The following HS3ST5 variants were observed in gnomAD, a reference collection of about 807,000 sequenced individuals.
The protein encoded by HS3ST5 is heparan sulfate glucosamine 3-O-sulfotransferase 5.
In HS3ST5, 10 loss-of-function variants were observed where a neutral mutation model predicts 25.4. The observed-to-expected ratio is 0.39, with a 90% CI of 0.24 to 0.67. HS3ST5 has a LOEUF of 0.67. Among genes scored for constraint, HS3ST5 ranks in the 30% least tolerant of loss-of-function variants. HS3ST5 has a pLI of 0.44. For synonymous variants in HS3ST5, 170 were observed against 162.4 expected (o/e 1.05, Z -0.36); for missense variants, 324 against 420.7 (o/e 0.77, Z 2.01).
At chr6:114,334,026 C>A (rs1334474203) in intron 1 of HS3ST5, among the ~76,000 whole-genome samples, 1 of 152,210 alleles carries the variant, frequency 6.6e-6, no homozygotes, top group Non-Finnish European at 1.5e-5. Context: ...CCCAGGTCCT[C>A]CTGTCTGGGT....
chr6:114,190,252 C>G (rs1780432195), intron 2 of HS3ST5, among the ~76,000 whole-genome samples: 1 of 152,094 alleles, frequency 6.6e-6, no homozygotes, highest in Non-Finnish European at 1.5e-5. Flanking sequence ...ACTAAGCTTA[C>G]CCTTGCTTCA....
chr6:114,306,476 T>C (rs1775303804), intron 1 of HS3ST5, among the ~76,000 whole-genome samples: 1 of 151,574 alleles, frequency 6.6e-6, no homozygotes, highest in African/African-American at 2.4e-5. Context: ...CAGAGCCAAT[T>C]TTGAATTATA....
chr6:114,237,325 A>C (rs1331967052), intron 1 of HS3ST5, among the ~76,000 whole-genome samples: 1 of 141,836 alleles, frequency 7.1e-6, no homozygotes, highest in African/African-American at 2.6e-5. Context: ...ACAAGATACG[A>C]GTACTTTTTT....
chr6:114,332,814 T>C (rs145588087), intron 1 of HS3ST5, among the ~76,000 whole-genome samples: 63 of 151,966 alleles, frequency 4.1e-4, no homozygotes, highest in African/African-American at 1.4e-3. Context: ...GATAAGAGGT[T>C]AGACAAGCAG....
At chr6:114,236,148 T>G (rs1771844435) in intron 1 of HS3ST5, among the ~76,000 whole-genome samples, 1 of 152,200 alleles carries the variant, frequency 6.6e-6, no homozygotes, top group Non-Finnish European at 1.5e-5. Flanking sequence ...ACCCTGATCT[T>G]CCTCACTCTG....
At chr6:114,222,439 G>T (rs1031398942) in intron 2 of HS3ST5, among the ~76,000 whole-genome samples, 1 of 151,830 alleles carries the variant, frequency 6.6e-6, no homozygotes, top group African/African-American at 2.4e-5. Context: ...GAATTACAAT[G>T]TATATAGGAA....
chr6:114,276,470 T>C (rs2114720678), intron 1 of HS3ST5, among the ~76,000 whole-genome samples: 1 of 152,042 alleles, frequency 6.6e-6, no homozygotes, highest in African/African-American at 2.4e-5. Flanking sequence ...GGGTAACTCA[T>C]GCTTTTACAC....
intron 1 of HS3ST5, chr6:114,251,889 T>C (rs1264035447): frequency 6.6e-6 from 1 of 152,220 alleles, no homozygotes; most frequent in Non-Finnish European, 1.5e-5. Context: ...ACTTCTCAGT[T>C]ACATGACAAT....
chr6:114,329,637 A>G (rs1029880897), intron 1 of HS3ST5, among the ~76,000 whole-genome samples: 1 of 152,192 alleles, frequency 6.6e-6, no homozygotes, highest in Non-Finnish European at 1.5e-5. Flanking sequence ...AACAAAAACA[A>G]AGTAAGCACA....
At chr6:114,134,938 G>A (rs1012510734) in intron 3 of HS3ST5, among the ~76,000 whole-genome samples, 2 of 152,156 alleles carry the variant, frequency 1.3e-5, no homozygotes, top group East Asian at 1.9e-4. Context: ...CTTACCATGC[G>A]GGTGCCACGG....
intron 2 of HS3ST5, among the ~76,000 whole-genome samples, chr6:114,226,317 G>T (rs1401355024): frequency 6.6e-6 from 1 of 151,834 alleles, no homozygotes; most frequent in Non-Finnish European, 1.5e-5. Flanking sequence ...TTCCACAAAT[G>T]AAGAATTATA....
At chr6:114,258,546 G>C (rs1214674762) in intron 1 of HS3ST5, among the ~76,000 whole-genome samples, 2 of 152,126 alleles carry the variant, frequency 1.3e-5, no homozygotes, top group African/African-American at 2.4e-5. Flanking sequence ...CCATGGGCCT[G>C]GGGGTGAGTG....
intron 2 of HS3ST5, among the ~76,000 whole-genome samples, chr6:114,223,141 T>C (rs2114498105): frequency 6.6e-6 from 1 of 151,862 alleles, no homozygotes; most frequent in East Asian, 1.9e-4. Context: ...AAATTTTCAT[T>C]TTTGAATATT....
chr6:114,341,835 A>T (rs560765282), intron 1 of HS3ST5, among the ~76,000 whole-genome samples: 1 of 151,778 alleles, frequency 6.6e-6, no homozygotes, highest in African/African-American at 2.4e-5. Flanking sequence ...GAACCCCTAA[A>T]CTCTGGCGAG....
intron 3 of HS3ST5, among the ~76,000 whole-genome samples, chr6:114,165,063 G>A (rs565531580): frequency 6.6e-6 from 1 of 152,288 alleles, no homozygotes; most frequent in African/African-American, 2.4e-5. Context: ...TTTCAGGGAT[G>A]CTGGGATGTA....
At chr6:114,259,205 C>T (rs1282455264) in intron 1 of HS3ST5, among the ~76,000 whole-genome samples, 1 of 152,200 alleles carries the variant, frequency 6.6e-6, no homozygotes, top group African/African-American at 2.4e-5. Flanking sequence ...TTCTAGGTAA[C>T]ATGGGAATCA....
At chr6:114,137,718 C>A (rs567669658) in intron 3 of HS3ST5, among the ~76,000 whole-genome samples, 1 of 152,252 alleles carries the variant, frequency 6.6e-6, no homozygotes, top group African/African-American at 2.4e-5. Flanking sequence ...ACTGCTCCTC[C>A]ACTGAGCTCC....
intron 3 of HS3ST5, among the ~76,000 whole-genome samples, chr6:114,069,735 T>C (rs1241225126): frequency 6.6e-6 from 1 of 152,084 alleles, no homozygotes; most frequent in African/African-American, 2.4e-5. Flanking sequence ...TTGCCCAGGC[T>C]GGTCTCAAAC....
chr6:114,205,702 AT>A (rs1562237433), intron 2 of HS3ST5, among the ~76,000 whole-genome samples: 1 of 152,022 alleles, frequency 6.6e-6, no homozygotes, highest in East Asian at 1.9e-4. Flanking sequence ...AAAAGGACCA[AT>A]TTTTTTATGG....
Sources: allele counts gnomAD v4.1 joint callset (sites outside exome capture counted in the v4.1 genomes callset), GRCh38; gene constraint gnomAD v4.1.1; transcripts MANE v1.5; gene names NCBI Gene and HGNC (gene_info 2026-07-23, HGNC 2026-07-21).